Variants in PAPPA2 observed in about 807,000 individuals in gnomAD.
PAPPA2 encodes the protein pappalysin-2.
PAPPA2 carries 86 observed loss-of-function variants against 176.4 expected under a neutral mutation model. That is an observed-to-expected ratio of 0.49 (90% CI 0.41 to 0.58). The LOEUF (loss-of-function observed/expected upper bound fraction) is 0.58, where lower values mean the gene tolerates loss of function less well. Among genes scored for constraint, PAPPA2 ranks in the 20% least tolerant of loss-of-function variants. The pLI, the probability that PAPPA2 is intolerant of heterozygous loss-of-function variation, is 0.00. For missense variants in PAPPA2, 2,073 were observed against 2,256.9 expected, an observed-to-expected ratio of 0.92 and a Z score of 1.65; for synonymous variants, 809 against 852.2, an observed-to-expected ratio of 0.95 and a Z score of 0.88.
At chr1:176,494,710 C>T (rs546327818) in intron 1 of PAPPA2, among the ~76,000 whole-genome samples, 32 of 152,290 alleles carry the variant, frequency 2.1e-4, no homozygotes, top group African/African-American at 3.4e-4. Flanking sequence ...TCTGATAACA[C>T]GGCCTCCTCA....
chr1:176,836,148 C>T (rs1394458928), intron 21 of PAPPA2, among the ~76,000 whole-genome samples: 3 of 152,148 alleles, frequency 2.0e-5, no homozygotes, highest in South Asian at 2.1e-4. Flanking sequence ...TGCACCATGC[C>T]TGATTTGGAA....
intron 4 of PAPPA2, 97 bp downstream of exon 4, chr1:176,671,212 A>G: frequency 1.3e-6 from 2 of 1,503,790 alleles, no homozygotes; most frequent in South Asian, 1.3e-5. Context: ...AGACAGAGAA[A>G]AAGTGAATTT....
intron 1 of PAPPA2, among the ~76,000 whole-genome samples, chr1:176,522,319 G>A (rs566767493): frequency 1.3e-5 from 2 of 152,288 alleles, no homozygotes; most frequent in South Asian, 2.1e-4. Flanking sequence ...TTGCCATGCT[G>A]GGGGAGATTT....
At chr1:176,719,813 T>C (rs1251415081) in intron 12 of PAPPA2, among the ~76,000 whole-genome samples, 1 of 152,202 alleles carries the variant, frequency 6.6e-6, no homozygotes, top group Non-Finnish European at 1.5e-5. Flanking sequence ...CAATTCCCTC[T>C]TTTGATTATC....
At chr1:176,726,819 A>C (rs1313632307) in intron 12 of PAPPA2, among the ~76,000 whole-genome samples, 4 of 152,214 alleles carry the variant, frequency 2.6e-5, no homozygotes, top group Non-Finnish European at 4.4e-5. Flanking sequence ...TCTAGGGATC[A>C]CCATCTGTGA....
chr1:176,802,096 G>A (rs540393676), intron 21 of PAPPA2, among the ~76,000 whole-genome samples: 1 of 152,106 alleles, frequency 6.6e-6, no homozygotes, highest in Admixed American at 6.5e-5. Context: ...ATACCTACTC[G>A]ATCAGAAACT....
rs757959971 is a variant in PAPPA2, at chr1:176,769,705, T to C, written c.4422T>C (p.Tyr1474=). 8.7e-6 allele frequency: 14 copies of C among 1,613,944 alleles called. No individual in the cohort carries two copies. The highest frequency in any genetic ancestry group is 1.2e-5 in the Non-Finnish European group (14 of 1,180,012). The change falls in exon 16 of 23, where the codon TAT becomes TAC. Residue 1474 remains tyrosine, a synonymous_variant. Transcript: ENST00000367662. ...TTCCCGACCCGTCTTTGGTGAACTA[T>C]GCAAACTTCTCCTGCTCAGAGGGAA... ...CGVPDPSLVN[Y]ANFSCSEGTK...
At chr1:176,660,336 TTGTG>T (rs34294866) in intron 3 of PAPPA2, among the ~76,000 whole-genome samples, 2,293 of 122,008 alleles carry the variant, frequency 0.019, 59 homozygotes, top group African/African-American at 0.06. Context: ...AATTGTTTGT[TTGTG>T]TGTGTGTGTG....
chr1:176,837,391 C>T (rs949680494), intron 21 of PAPPA2, among the ~76,000 whole-genome samples: 1 of 140,662 alleles, frequency 7.1e-6, no homozygotes, highest in Non-Finnish European at 1.5e-5. Flanking sequence ...AAAGGAGGCA[C>T]ATTTAGCAAA....
intron 3 of PAPPA2, among the ~76,000 whole-genome samples, chr1:176,634,153 T>C (rs1003847558): frequency 6.6e-6 from 1 of 152,220 alleles, no homozygotes; most frequent in Non-Finnish European, 1.5e-5. Flanking sequence ...CGTATGTTTA[T>C]TGCAACACTA....
At chr1:176,734,897 T>C (rs1662327408) in intron 12 of PAPPA2, among the ~76,000 whole-genome samples, 1 of 152,154 alleles carries the variant, frequency 6.6e-6, no homozygotes, top group Admixed American at 6.6e-5. Flanking sequence ...TGTAAAGCTT[T>C]TATGACTAAG....
chr1:176,579,397 T>C (rs1193342059), intron 2 of PAPPA2, among the ~76,000 whole-genome samples: 1 of 152,156 alleles, frequency 6.6e-6, no homozygotes, highest in African/African-American at 2.4e-5. Flanking sequence ...ATGTTACATG[T>C]CAAAAGCCTA....
intron 21 of PAPPA2, among the ~76,000 whole-genome samples, chr1:176,839,836 T>G (rs947321606): frequency 3.9e-5 from 6 of 152,162 alleles, no homozygotes; most frequent in African/African-American, 1.4e-4. Context: ...TCAACAGAGT[T>G]AAAAATATGT....
chr1:176,617,314 G>A lies in PAPPA2; in HGVS notation c.1991+21719G>A, dbSNP rs77010363. On this transcript the variant is annotated intron_variant, in intron 3 of 22. Transcript: ENST00000367662. ...AGCAGTGACATAGGGGGTGGCAGGC[G>A]CTACAGGGCAGGAGGTGGCGGTGGT... Among the ~76,000 whole-genome samples the A allele has an allele frequency of 7.4e-3, 1,132 of 152,232 alleles. 19 individuals carry two copies. Among genetic ancestry groups the A allele is most frequent in the African/African-American group, 0.025 (1,041 of 41,526 alleles).
At chr1:176,568,652 A>G (rs1652129125) in intron 2 of PAPPA2, among the ~76,000 whole-genome samples, 1 of 152,206 alleles carries the variant, frequency 6.6e-6, no homozygotes, top group Admixed American at 6.5e-5. Context: ...CAAAGGGCCA[A>G]GAACTCTAGG....
At chr1:176,511,735 C>G (rs778655840) in intron 1 of PAPPA2, among the ~76,000 whole-genome samples, 1 of 152,128 alleles carries the variant, frequency 6.6e-6, no homozygotes, top group African/African-American at 2.4e-5. Flanking sequence ...AATTTGCTCT[C>G]TCTGCTTTAG....
chr1:176,595,471 C>T lies in PAPPA2; in HGVS notation c.1867C>T (p.Arg623Cys), dbSNP rs1158834771. Residue 623 changes from arginine to cysteine, a missense_variant, in exon 3 of 23, where the codon CGC becomes TGC. This residue lies in a region of PAPPA2 where 1,196 missense variants were observed against 1,330.4 expected (regional missense o/e 0.90). Transcript: ENST00000367662. ...GCAGGGCCGCTGCTACTCCTGGAAC[C>T]GCAGGGATGGGCTCTGTCACGTGGA... ...RLQGRCYSWN[R>C]RDGLCHVECN... The T allele has an allele frequency of 9.3e-6, 15 of 1,614,072 alleles. No individual in the cohort carries two copies. Among genetic ancestry groups the T allele is most frequent in the Admixed American group, 1.7e-5 (1 of 60,006 alleles).
intron 1 of PAPPA2, among the ~76,000 whole-genome samples, chr1:176,516,298 C>A (rs932409893): frequency 2.0e-5 from 3 of 149,600 alleles, no homozygotes; most frequent in African/African-American, 7.4e-5. Context: ...TTGTGACAGG[C>A]CTTCATATAC....
In PAPPA2 at chr1:176,603,250, C is replaced by T. The variant is rs78125588; in HGVS notation, c.1991+7655C>T. On this transcript the variant is annotated intron_variant, in intron 3 of 22. Transcript: ENST00000367662. The stretch of plus-strand genomic sequence containing the variant: ...AATCTGTTTCAGATGATTTCACTTA[C>T]AGGTTCCTTCCTAGAATTTAAGCCT... 4.3e-3 allele frequency among the ~76,000 whole-genome samples: 648 copies of T among 152,390 alleles called. 7 individuals carry two copies. The highest frequency in any genetic ancestry group is 0.039 in the East Asian group (204 of 5,194).
Sources: gnomAD v4.1 joint callset for allele counts (sites outside exome capture counted in the v4.1 genomes callset) on GRCh38, gnomAD v4.1.1 for gene constraint, gnomAD v4.1.1 regional missense constraint, MANE v1.5 for transcripts, NCBI Gene and HGNC (gene_info 2026-07-23, HGNC 2026-07-21) for gene names.